CDK6: variants seen among roughly 807,000 people sequenced by gnomAD.
CDK6 encodes the protein cyclin dependent kinase 6.
In CDK6, 6 loss-of-function variants were observed where a neutral mutation model predicts 37.1. The observed-to-expected ratio is 0.16, with a 90% CI of 0.09 to 0.32. The LOEUF is 0.32. Ranked by LOEUF, CDK6 falls within the 10% of genes least tolerant of loss-of-function variation. CDK6 has a pLI of 1.00. For synonymous variants in CDK6, 160 were observed against 161.3 expected (o/e 0.99, Z 0.06); for missense variants, 224 against 418.9 (o/e 0.53, Z 4.06).
chr7:92,676,756 T>C (rs1324920730), intron 4 of CDK6, among the ~76,000 whole-genome samples: 1 of 152,176 alleles, frequency 6.6e-6, no homozygotes, highest in Non-Finnish European at 1.5e-5. Context: ...AGTATGGTTT[T>C]GTGAAGTGAA....
intron 2 of CDK6, among the ~76,000 whole-genome samples, chr7:92,823,236 T>C (rs1801219531): frequency 6.6e-6 from 1 of 151,768 alleles, no homozygotes; most frequent in Admixed American, 6.6e-5. Flanking sequence ...TGAAATCAGT[T>C]CCATCACTTT....
At chr7:92,618,011 C>G (rs2116483362) in intron 7 of CDK6, 61 bp downstream of exon 7, 1 of 1,569,120 alleles carries the variant, frequency 6.4e-7, no homozygotes, top group Non-Finnish European at 8.7e-7. Context: ...ACCACCCAGT[C>G]TGGGTAGAGC....
rs1795648776 is a variant in CDK6 at position 92,615,199 on chromosome 7, C to T, written c.922G>A (p.Glu308Lys). The T allele has an allele frequency of 6.2e-7, 1 of 1,614,164 alleles. No individual in the cohort carries two copies. The highest frequency in any genetic ancestry group is 8.5e-7 in the Non-Finnish European group (1 of 1,180,032). The change falls in exon 8 of 8, where the codon GAA becomes AAA. Residue 308 changes from glutamate to lysine, a missense_variant. Transcript: ENST00000424848. ...PYFQDLERCK[E>K]NLDSHLPPSQ... is the part of the protein sequence containing the mutation. The stretch of plus-strand genomic sequence containing the variant: ...GGCGGCAGGTGGGAATCCAGGTTTT[C>T]TTTGCACCTTTCCAGGTCCTGGAAG...
At chr7:92,773,373 G>A (rs1799766628) in intron 3 of CDK6, among the ~76,000 whole-genome samples, 1 of 152,020 alleles carries the variant, frequency 6.6e-6, no homozygotes, top group Non-Finnish European at 1.5e-5. Flanking sequence ...TGAGAAGGAA[G>A]GCCACCAAGG....
chr7:92,629,614 A>C (rs1386155221), intron 5 of CDK6, among the ~76,000 whole-genome samples: 2 of 152,130 alleles, frequency 1.3e-5, no homozygotes, highest in Non-Finnish European at 2.9e-5. Flanking sequence ...AGTCATTTCT[A>C]ATCACTATGA....
rs1369722666 is a variant in CDK6 at position 92,833,002 on chromosome 7, C to T, written c.233+89G>A. On this transcript the variant is annotated intron_variant, in intron 2 of 7. Transcript: ENST00000424848. This position sits in a 1 kb window ranked among gnomAD's most constrained non-coding sequence, Gnocchi z 6.1. ...AGGACCTCCCCAGTCGCCCTCTGCC[C>T]CGCACCTTTCTGGGCCTGAGGATTC... is the stretch of plus-strand genomic sequence containing the variant. The T allele has an allele frequency of 2.1e-5, 20 of 934,950 alleles. No homozygotes were observed. In the South Asian group the frequency reaches 3.1e-4, roughly 15 times the overall value. The allele number at this position is 934,950 out of a possible 1,614,324, so 57.9% of individuals were successfully genotyped here. A position where few individuals can be genotyped will look rare whatever the true frequency, so the allele number is the denominator to read the frequency against.
rs533971760 is a variant in CDK6 at position 92,772,559 on chromosome 7, A to G, written c.369+2137T>C. ...AAAAAAAAAAAAAAATTAACTTTTAATGTCACCTTGTTCAAGAGCTTCTGG... is the reference window on the plus strand; with the variant it reads ...AAAAAAAAAAAAAAATTAACTTTTAGTGTCACCTTGTTCAAGAGCTTCTGG... On this transcript the variant is annotated intron_variant, in intron 3 of 7. Transcript: ENST00000424848. 5.3e-5 allele frequency among the ~76,000 whole-genome samples: 8 copies of G among 152,182 alleles called. No individual in the cohort carries two copies. In the East Asian group the frequency reaches 1.5e-3, roughly 29 times the overall value.
rs1013420764 is a variant in CDK6, at chr7:92,835,889, G to A, written c.-368+589C>T. Reference sequence around the variant, plus strand: ...TACAGCAAACGTGCGTCTTCGCGGGGCTCCAAGCCTGGGCACTGGCCGGCT... The same window carrying A: ...TACAGCAAACGTGCGTCTTCGCGGGACTCCAAGCCTGGGCACTGGCCGGCT... On this transcript the variant is annotated intron_variant, in intron 1 of 7. Transcript: ENST00000424848. The surrounding 1 kb of genome is among the most constrained non-coding windows in gnomAD (Gnocchi z 4.2). 3.9e-5 allele frequency among the ~76,000 whole-genome samples: 6 copies of A among 152,364 alleles called. No homozygotes were observed. The highest frequency in any genetic ancestry group is 1.9e-4 in the East Asian group (1 of 5,186).
chr7:92,704,594 TTCA>T (rs1797927462), intron 4 of CDK6, among the ~76,000 whole-genome samples: 1 of 152,204 alleles, frequency 6.6e-6, no homozygotes, highest in Non-Finnish European at 1.5e-5. Context: ...TATAACTTTC[TTCA>T]TTTTTGTTTT....
chr7:92,759,183 C>A (rs1404432930), intron 3 of CDK6, among the ~76,000 whole-genome samples: 1 of 152,128 alleles, frequency 6.6e-6, no homozygotes, highest in Non-Finnish European at 1.5e-5. Flanking sequence ...CTTATCAGAA[C>A]AAGAAGAATA....
At chr7:92,768,923 G>A (rs771889437) in intron 3 of CDK6, among the ~76,000 whole-genome samples, 22 of 152,090 alleles carry the variant, frequency 1.4e-4, no homozygotes, top group Non-Finnish European at 2.8e-4. Context: ...GATTCCTTTA[G>A]GAGTGAGAAG....
chr7:92,681,990 C>A (rs182287079), intron 4 of CDK6, among the ~76,000 whole-genome samples: 135 of 152,286 alleles, frequency 8.9e-4, no homozygotes, highest in African/African-American at 3.2e-3. Context: ...TCCTATATTT[C>A]TTCTCTCTGT....
At chr7:92,693,964 C>T (rs1248681414) in intron 4 of CDK6, among the ~76,000 whole-genome samples, 1 of 152,174 alleles carries the variant, frequency 6.6e-6, no homozygotes, top group Non-Finnish European at 1.5e-5. Flanking sequence ...GCTCAGTGTA[C>T]AAAACGTCTG....
rs3042470 is a variant in CDK6, at chr7:92,630,279, ATTATTTATTTAT to A, written c.648-7205_648-7194del. On this transcript the variant is annotated intron_variant, in intron 5 of 7. Coordinates refer to ENST00000424848, the MANE Select transcript of CDK6 (RefSeq NM_001145306.2). ...TTGATATTTTTTCTTGCCAAATTAC[ATTATTTATTTAT>A]TTATTTATTTATTTATTTCCCTTCC... Among the ~76,000 whole-genome samples, 71 of 146,832 alleles carry A rather than the reference ATTATTTATTTAT, an allele frequency of 4.8e-4. 1 individual carries two copies. The highest frequency in any genetic ancestry group is 4.6e-3 in the Admixed American group (67 of 14,626).
intron 3 of CDK6, among the ~76,000 whole-genome samples, chr7:92,732,862 T>C (rs1237843137): frequency 6.6e-6 from 1 of 152,206 alleles, no homozygotes; most frequent in African/African-American, 2.4e-5. Context: ...AGCAACCATC[T>C]TGAAACATCA....
chr7:92,815,857 A>T lies in CDK6; in HGVS notation c.233+17234T>A, dbSNP rs186912159. 5.3e-5 allele frequency among the ~76,000 whole-genome samples: 8 copies of T among 152,282 alleles called. No individual in the cohort carries two copies. The East Asian group carries it at 1.5e-3, about 29-fold the overall frequency. ...GTCAGCTTCTGAGAAAAGATCACCA[A>T]GGAGTTGTAAGATGAATGATTCCAG... On this transcript the variant is annotated intron_variant, in intron 2 of 7. Transcript: ENST00000424848.
chr7:92,632,709 T>C (rs971136681), intron 5 of CDK6, among the ~76,000 whole-genome samples: 1 of 152,158 alleles, frequency 6.6e-6, no homozygotes, highest in African/African-American at 2.4e-5. Context: ...AATTATTGCA[T>C]ACCTATATCA....
intron 7 of CDK6, among the ~76,000 whole-genome samples, chr7:92,616,024 C>T (rs1361860070): frequency 6.6e-6 from 1 of 152,158 alleles, no homozygotes; most frequent in Non-Finnish European, 1.5e-5. Flanking sequence ...CCTCTCCTTC[C>T]ATCAACGCCT....
At chr7:92,625,599 A>T (rs1385993888) in intron 5 of CDK6, among the ~76,000 whole-genome samples, 1 of 152,032 alleles carries the variant, frequency 6.6e-6, no homozygotes, top group East Asian at 1.9e-4. Flanking sequence ...ATTTAAGTCT[A>T]TCAGTGAGAT....
Sources: gnomAD v4.1 joint callset for allele counts (sites outside exome capture counted in the v4.1 genomes callset) on GRCh38, gnomAD v4.1.1 for gene constraint, Gnocchi (gnomAD v3.1) non-coding constraint, MANE v1.5 for transcripts, NCBI Gene and HGNC (gene_info 2026-07-23, HGNC 2026-07-21) for gene names.